Variants in JARID2 observed in about 807,000 individuals in gnomAD.
JARID2 encodes the protein protein Jumonji.
JARID2 carries 21 observed loss-of-function variants against 125.6 expected under a neutral mutation model. The ratio of observed to expected loss-of-function variants is 0.17; its 90% CI spans 0.12 to 0.24. JARID2 has a LOEUF of 0.24. Among genes scored for constraint, JARID2 ranks in the 10% least tolerant of loss-of-function variants. The pLI, the probability that JARID2 is intolerant of heterozygous loss-of-function variation, is 1.00. For missense variants in JARID2, 1,303 were observed against 1,639.6 expected, an observed-to-expected ratio of 0.79 and a Z score of 3.55; for synonymous variants, 736 against 661.6, an observed-to-expected ratio of 1.11 and a Z score of -1.73.
At position 15,380,116 on chromosome 6, in the gene JARID2, A is replaced by G. The variant is rs148560715; in HGVS notation, c.181+5864A>G. 5.8e-3 allele frequency among the ~76,000 whole-genome samples: 873 copies of G among 151,728 alleles called. 15 individuals are homozygous for G. The highest frequency in any genetic ancestry group is 0.02 in the African/African-American group (840 of 41,300). On this transcript the variant is annotated intron_variant, in intron 2 of 17. Transcript: ENST00000341776. ...AATGGCGCAATCTCTGCCCACTGCA[A>G]CCTCAGCCTCCTGGGTTCAAGTGAT... is the stretch of plus-strand genomic sequence containing the variant.
chr6:15,500,940 G>T lies in JARID2; in HGVS notation c.1979G>T (p.Arg660Leu). ...GAGCTCGACCTGGCCTGCTTTTTCC[G>T]GCTGATTAATGAGATGGGCGGCATG... The part of the protein sequence containing the change: ...GCELDLACFF[R>L]LINEMGGMQQ... The change falls in exon 8 of 18, where the codon CGG (arginine) becomes CTG (leucine). Residue 660 changes from arginine (R) to leucine (L), a missense_variant. Coordinates refer to ENST00000341776, the MANE Select transcript of JARID2 (RefSeq NM_004973.4). 6.2e-7 allele frequency: 1 copy of T among 1,612,140 alleles called. No individual in the cohort carries two copies. Among genetic ancestry groups the T allele is most frequent in the East Asian group, 2.2e-5 (1 of 44,826 alleles).
intron 3 of JARID2, among the ~76,000 whole-genome samples, chr6:15,415,157 G>A (rs1285217951): frequency 6.6e-6 from 1 of 152,224 alleles, no homozygotes; most frequent in African/African-American, 2.4e-5. Flanking sequence ...ACAGGATCAC[G>A]AGGCAGAAGA....
intron 1 of JARID2, among the ~76,000 whole-genome samples, chr6:15,337,582 G>A (rs893787493): frequency 1.3e-5 from 2 of 152,188 alleles, no homozygotes; most frequent in African/African-American, 2.4e-5. Context: ...ACCCCTGCCC[G>A]AGGAATTCAA....
intron 14 of JARID2, among the ~76,000 whole-genome samples, chr6:15,512,615 A>AG (rs1771333350): frequency 6.6e-6 from 1 of 152,194 alleles, no homozygotes. Flanking sequence ...CGTTACTGAC[A>AG]GACCCCTCCA....
chr6:15,349,520 T>G (rs756766621), intron 1 of JARID2, among the ~76,000 whole-genome samples: 13 of 152,186 alleles, frequency 8.5e-5, no homozygotes, highest in Non-Finnish European at 1.8e-4. Flanking sequence ...GTGCACTGTT[T>G]TAGAAGTGGG....
chr6:15,269,672 G>C (rs1207252185), intron 1 of JARID2, among the ~76,000 whole-genome samples: 1 of 151,350 alleles, frequency 6.6e-6, no homozygotes, highest in South Asian at 2.1e-4. Flanking sequence ...CTCCCAAAGT[G>C]ATGGGATTAC....
At chr6:15,359,444 C>T (rs574561955) in intron 1 of JARID2, among the ~76,000 whole-genome samples, 3 of 152,234 alleles carry the variant, frequency 2.0e-5, no homozygotes, top group East Asian at 3.9e-4. Flanking sequence ...TTTTGATTTG[C>T]GGCCGCCTGA....
chr6:15,441,582 A>G (rs1049151378), intron 3 of JARID2, among the ~76,000 whole-genome samples: 3 of 152,174 alleles, frequency 2.0e-5, no homozygotes, highest in African/African-American at 7.2e-5. Flanking sequence ...GAGGGAGGAC[A>G]TGTAAGATGC....
chr6:15,353,804 T>C (rs990037033), intron 1 of JARID2, among the ~76,000 whole-genome samples: 6 of 152,166 alleles, frequency 3.9e-5, no homozygotes, highest in African/African-American at 1.2e-4. Flanking sequence ...ACAGAGATGG[T>C]AGTTTTGCAT....
At chr6:15,440,327 C>CGA (rs1767393392) in intron 3 of JARID2, among the ~76,000 whole-genome samples, 2 of 152,130 alleles carry the variant, frequency 1.3e-5, no homozygotes, top group African/African-American at 4.8e-5. Flanking sequence ...TGTACTGAGG[C>CGA]GAGGTGTCTG....
chr6:15,382,272 C>T (rs1172384753), intron 2 of JARID2, among the ~76,000 whole-genome samples: 4 of 152,106 alleles, frequency 2.6e-5, no homozygotes, highest in Non-Finnish European at 5.9e-5. Flanking sequence ...AAAAACAGAA[C>T]CAAAAACCCC....
At chr6:15,365,727 C>T (rs1026767318) in intron 1 of JARID2, among the ~76,000 whole-genome samples, 1 of 151,826 alleles carries the variant, frequency 6.6e-6, no homozygotes, top group Non-Finnish European at 1.5e-5. Context: ...GGCCGTTTAC[C>T]CTAACCTGGG....
intron 1 of JARID2, among the ~76,000 whole-genome samples, chr6:15,361,437 C>T (rs192612501): frequency 2.0e-5 from 3 of 152,344 alleles, no homozygotes; most frequent in Admixed American, 2.0e-4. Context: ...CTTTCACACA[C>T]ATCACCGAAG....
chr6:15,475,400 G>T (rs570443602), intron 5 of JARID2, among the ~76,000 whole-genome samples: 2 of 152,310 alleles, frequency 1.3e-5, no homozygotes, highest in East Asian at 3.9e-4. Flanking sequence ...GCAGACAGAG[G>T]AAAGAGTCCT....
chr6:15,250,893 A>G (rs1226182978), intron 1 of JARID2, among the ~76,000 whole-genome samples: 4 of 150,260 alleles, frequency 2.7e-5, no homozygotes, highest in African/African-American at 9.8e-5. Flanking sequence ...TGGAGTATAT[A>G]ATTGGTGTCT....
At chr6:15,280,429 A>G (rs1488182751) in intron 1 of JARID2, among the ~76,000 whole-genome samples, 1 of 152,172 alleles carries the variant, frequency 6.6e-6, no homozygotes, top group African/African-American at 2.4e-5. Flanking sequence ...TCCTGCATTA[A>G]AAAAGATCAT....
chr6:15,319,665 G>A (rs1241065791), intron 1 of JARID2, among the ~76,000 whole-genome samples: 1 of 152,156 alleles, frequency 6.6e-6, no homozygotes, highest in African/African-American at 2.4e-5. Flanking sequence ...TTCATGGCAG[G>A]TGAGCCACTG....
chr6:15,427,957 T>C (rs927650647), intron 3 of JARID2, among the ~76,000 whole-genome samples: 2 of 152,098 alleles, frequency 1.3e-5, no homozygotes, highest in Admixed American at 1.3e-4. Flanking sequence ...TTGCAAGTAG[T>C]GCACAGTGCT....
At chr6:15,369,111 G>T (rs879210890) in intron 1 of JARID2, among the ~76,000 whole-genome samples, 1 of 152,202 alleles carries the variant, frequency 6.6e-6, no homozygotes, top group South Asian at 2.1e-4. Flanking sequence ...ATGTTATCAT[G>T]TGCTTACTTT....
Sources: gnomAD v4.1 joint callset for allele counts (sites outside exome capture counted in the v4.1 genomes callset) on GRCh38, gnomAD v4.1.1 for gene constraint, MANE v1.5 for transcripts, NCBI Gene and HGNC (gene_info 2026-07-23, HGNC 2026-07-21) for gene names.